The following BCAS3 variants were observed in gnomAD, a reference collection of about 807,000 sequenced individuals.
BCAS3 encodes the protein BCAS4/BCAS3 fusion.
Under a neutral mutation model 116.1 loss-of-function variants are expected in BCAS3, and 53 were observed. That is an observed-to-expected ratio of 0.46 (90% CI 0.37 to 0.57). The LOEUF (loss-of-function observed/expected upper bound fraction) is 0.57. BCAS3 is among the 20% of genes least tolerant of loss of function. BCAS3 has a pLI of 0.00. For missense variants in BCAS3, 917 were observed against 1,165.4 expected (o/e 0.79, Z 3.10); for synonymous variants, 391 against 408.2 (o/e 0.96, Z 0.51).
chr17:61,015,773 C>G lies in BCAS3; in HGVS notation c.1509C>G (p.Ser503=). 6.2e-7 allele frequency: 1 copy of G among 1,613,870 alleles called. No homozygotes were observed. The highest frequency in any genetic ancestry group is 8.5e-7 in the Non-Finnish European group (1 of 1,179,910). The change falls in exon 16 of 24, where the codon TCC becomes TCG. Residue 503 remains serine (S), a synonymous_variant. Coordinates refer to ENST00000407086, the MANE Select transcript of BCAS3 (RefSeq NM_017679.5). ...PLHGKLNSQD[S]YNNFTNNNPG... ...TAGGGAAACTGAACAGCCAAGACTCCTATAACAATTTTACCAACAACAACC... is the reference window on the plus strand; with the variant it reads ...TAGGGAAACTGAACAGCCAAGACTCGTATAACAATTTTACCAACAACAACC...
intron 22 of BCAS3, among the ~76,000 whole-genome samples, chr17:61,297,268 CAGTCACAG>C (rs2053009638): frequency 6.6e-6 from 1 of 152,116 alleles, no homozygotes; most frequent in African/African-American, 2.4e-5. Context: ...AAAGCAGTAC[CAGTCACAG>C]AGGAAGAGGC....
chr17:60,753,635 A>T (rs978711905), intron 6 of BCAS3, among the ~76,000 whole-genome samples: 11 of 151,840 alleles, frequency 7.2e-5, no homozygotes, highest in South Asian at 4.2e-4. Flanking sequence ...GGTCTCGATC[A>T]CCTGACCTCG....
At position 61,307,497 on chromosome 17, in the gene BCAS3, A is replaced by G. The variant is rs758071056; in HGVS notation, c.2426-60830A>G. On this transcript the variant is annotated intron_variant, in intron 22 of 23. Transcript: ENST00000407086. The surrounding 1 kb of genome is among the most constrained non-coding windows in gnomAD (Gnocchi z 4.7). ...ATTAACTTTCACTAGCTTTTAACCA[A>G]CATGTAAGCACTCCCCTTTAAACTG... Among the ~76,000 whole-genome samples the G allele has an allele frequency of 6.6e-6, 1 of 152,220 alleles. No individual in the cohort carries two copies. Among genetic ancestry groups the G allele is most frequent in the Non-Finnish European group, 1.5e-5 (1 of 68,036 alleles).
At chr17:60,686,619 A>T (rs1047602265) in intron 3 of BCAS3, among the ~76,000 whole-genome samples, 1 of 151,670 alleles carries the variant, frequency 6.6e-6, no homozygotes, top group Non-Finnish European at 1.5e-5. Context: ...TCTGCCTACG[A>T]GTTTCAAGCG....
chr17:61,269,501 G>A (rs528941549), intron 22 of BCAS3, among the ~76,000 whole-genome samples: 4 of 152,218 alleles, frequency 2.6e-5, no homozygotes, highest in East Asian at 1.9e-4. Flanking sequence ...GTTTTGAGGC[G>A]TCTCCATGCT....
chr17:61,234,787 A>G (rs144821720), intron 22 of BCAS3, among the ~76,000 whole-genome samples: 88,082 of 145,796 alleles, frequency 0.6, 30,376 homozygotes, highest in East Asian at 0.93. Context: ...TTTCCAGAAA[A>G]AAAAAAAAAA....
At chr17:61,038,668 G>GTTT (rs1244364326) in intron 18 of BCAS3, among the ~76,000 whole-genome samples, 12 of 113,928 alleles carry the variant, frequency 1.1e-4, no homozygotes, top group Non-Finnish European at 1.1e-4. Context: ...TTTTGTTTTT[G>GTTT]TTTTTTTTTT....
chr17:61,120,257 A>G (rs993111954), intron 22 of BCAS3, among the ~76,000 whole-genome samples: 2 of 152,136 alleles, frequency 1.3e-5, no homozygotes, highest in African/African-American at 4.8e-5. Context: ...TTTTAAATAT[A>G]GTACAGTGAT....
chr17:60,761,353 C>A (rs190638025), intron 6 of BCAS3, among the ~76,000 whole-genome samples: 1 of 152,060 alleles, frequency 6.6e-6, no homozygotes, highest in African/African-American at 2.4e-5. Context: ...CTAATGCTCT[C>A]CCGCCCCCAT....
At position 61,388,729 on chromosome 17, in the gene BCAS3, T is replaced by C; in HGVS notation, c.2594-3248T>C. 1 of 1,538,332 alleles carries C rather than the reference T, an allele frequency of 6.5e-7. No individual in the cohort carries two copies. The highest frequency in any genetic ancestry group is 8.7e-7 in the Non-Finnish European group (1 of 1,148,834). On this transcript the variant is annotated intron_variant, in intron 23 of 23. Transcript: ENST00000407086. This position sits in a 1 kb window ranked among gnomAD's most constrained non-coding sequence, Gnocchi z 6.5. ...GGAAGGTAAGGCCACACGTTTCCAT[T>C]TGCCGCTTGCTCGTAGGGCTGGGCG...
chr17:60,686,418 G>C (rs550973824), intron 3 of BCAS3, among the ~76,000 whole-genome samples: 7 of 139,202 alleles, frequency 5.0e-5, no homozygotes, highest in Non-Finnish European at 8.8e-5. Context: ...ACTGGTAGCA[G>C]CTTCTTTAGT....
rs1230778633 is a variant in BCAS3, at chr17:60,995,726, A to C, written c.1486+5491A>C. On this transcript the variant is annotated intron_variant, in intron 15 of 23. Transcript: ENST00000407086. This position sits in a 1 kb window ranked among gnomAD's most constrained non-coding sequence, Gnocchi z 4.7. The stretch of plus-strand genomic sequence containing the variant: ...ATTCATAGTAACAACTTAAAAAAAC[A>C]TCTCCAAGGTGTAGTCATTTGATCA... Among the ~76,000 whole-genome samples, 2 of 152,228 alleles carry C rather than the reference A, an allele frequency of 1.3e-5. No individual in the cohort carries two copies. Among genetic ancestry groups the C allele is most frequent in the African/African-American group, 4.8e-5 (2 of 41,460 alleles).
At position 60,709,300 on chromosome 17, in the gene BCAS3, A is replaced by T. The variant is rs1472222939; in HGVS notation, c.296A>T (p.Asp99Val). The change falls in exon 5 of 24, where the codon GAT becomes GTT. Residue 99 changes from aspartate (D) to valine (V), a missense_variant. Asp to Val is a radical substitution (Grantham distance 152). Transcript: ENST00000407086. ...TTGTTGATTATGATTGGCTACAGTG[A>T]TGGAATGCAGGTCTGGAGCATCCCT... is the stretch of plus-strand genomic sequence containing the variant. ...PPLLIMIGYS[D>V]GMQVWSIPIS... is the part of the protein sequence containing the mutation. 1.3e-6 allele frequency: 2 copies of T among 1,597,858 alleles called. No individual in the cohort carries two copies. Among genetic ancestry groups the T allele is most frequent in the Admixed American group, 3.3e-5 (2 of 59,886 alleles).
chr17:60,991,236 TTTAACA>T (rs1332414499), intron 15 of BCAS3, among the ~76,000 whole-genome samples: 1 of 152,226 alleles, frequency 6.6e-6, no homozygotes, highest in African/African-American at 2.4e-5. Context: ...CTTTGGCTTC[TTTAACA>T]TTATATTTGT....
At chr17:61,238,108 A>G (rs1165176662) in intron 22 of BCAS3, among the ~76,000 whole-genome samples, 1 of 152,204 alleles carries the variant, frequency 6.6e-6, no homozygotes, top group African/African-American at 2.4e-5. Context: ...GCTGGAGTAC[A>G]GAGGCACAAT....
At chr17:60,892,998 C>G (rs73320646) in intron 10 of BCAS3, among the ~76,000 whole-genome samples, 7,013 of 152,106 alleles carry the variant, frequency 0.046, 510 homozygotes, top group African/African-American at 0.16. Flanking sequence ...AGTTGCATTT[C>G]TCTGAATATT....
At chr17:60,978,984 G>A (rs370364144) in intron 14 of BCAS3, among the ~76,000 whole-genome samples, 18,607 of 135,580 alleles carry the variant, frequency 0.14, 4,249 homozygotes, top group African/African-American at 0.49. Flanking sequence ...TTGGCGATGC[G>A]GGCTCTTTTT....
At chr17:61,175,555 T>A (rs932914854) in intron 22 of BCAS3, among the ~76,000 whole-genome samples, 1 of 152,218 alleles carries the variant, frequency 6.6e-6, no homozygotes, top group African/African-American at 2.4e-5. Flanking sequence ...TGCAGCAAAT[T>A]ATGTGAATGT....
intron 6 of BCAS3, among the ~76,000 whole-genome samples, chr17:60,797,196 G>A (rs747891905): frequency 2.2e-4 from 34 of 151,978 alleles, no homozygotes; most frequent in Admixed American, 3.9e-4. Context: ...GTGCTTGGCC[G>A]TTTTCCTTCT....
Sources: gnomAD v4.1 joint callset for allele counts (sites outside exome capture counted in the v4.1 genomes callset) on GRCh38, gnomAD v4.1.1 for gene constraint, Gnocchi (gnomAD v3.1) non-coding constraint, MANE v1.5 for transcripts, NCBI Gene and HGNC (gene_info 2026-07-23, HGNC 2026-07-21) for gene names.